Variants in TNXB observed in about 807,000 individuals in gnomAD.
TNXB encodes the protein tenascin-X.
TNXB carries 183 observed loss-of-function variants against 340.5 expected under a neutral mutation model. The ratio of observed to expected loss-of-function variants is 0.54; its 90% CI spans 0.48 to 0.61. TNXB has a LOEUF of 0.61. Ranked by LOEUF, TNXB falls within the 20% of genes least tolerant of loss-of-function variation. The probability of loss-of-function intolerance (pLI) is 0.00; values close to 1 mark genes in which losing one functional copy is unlikely to be tolerated. For synonymous variants in TNXB, 2,121 were observed against 2,314.5 expected, an observed-to-expected ratio of 0.92 and a Z score of 2.40; for missense variants, 4,613 against 5,446.4, an observed-to-expected ratio of 0.85 and a Z score of 4.82.
intron 13 of TNXB, among the ~76,000 whole-genome samples, chr6:32,071,768 T>C (rs1778787191): frequency 6.6e-6 from 1 of 152,130 alleles, no homozygotes; most frequent in Non-Finnish European, 1.5e-5. Context: ...GTCTTTTTAG[T>C]AGAGACAGGG....
At chr6:32,091,260 G>A (rs369228899) in intron 4 of TNXB, among the ~76,000 whole-genome samples, 114 of 150,656 alleles carry the variant, frequency 7.6e-4, no homozygotes, top group Middle Eastern at 3.7e-3. Flanking sequence ...ACAGGCATGC[G>A]CCACCATGTC....
At chr6:32,078,898 G>A in intron 11 of TNXB, 135 bp downstream of exon 11, 3 of 954,568 alleles carry the variant, frequency 3.1e-6, no homozygotes, top group Non-Finnish European at 4.5e-6. Context: ...CCAGTCCCCA[G>A]TGACATGCTC....
Position 32,070,259 on chromosome 6 carries a change from C to G in TNXB, c.5146G>C (p.Val1716Leu), listed in dbSNP as rs771184296. 9 of 1,612,672 alleles carry G rather than the reference C, an allele frequency of 5.6e-6. No individual in the cohort carries two copies. Among genetic ancestry groups the G allele is most frequent in the Non-Finnish European group, 7.6e-6 (9 of 1,179,502 alleles). ...CGCTCATGGCCCTCCACGGGCACCACCTGGGGCCCGTCTTTGTCCTTGAAC... is the reference window on the plus strand; with the variant it reads ...CGCTCATGGCCCTCCACGGGCACCAGCTGGGGCCCGTCTTTGTCCTTGAAC... ...VQFKDKDGPQ[V>L]VPVEGHERSV... The change falls in exon 14 of 44, where the codon GTG becomes CTG. Residue 1716 changes from valine to leucine, a missense_variant. Transcript: ENST00000644971. The surrounding 1 kb of genome is among the most constrained non-coding windows in gnomAD (Gnocchi z 6.0).
rs747801447 is a variant in TNXB, at chr6:32,049,506, A to C, written c.9521T>G (p.Val3174Gly). 1 of 1,612,500 alleles carries C rather than the reference A, an allele frequency of 6.2e-7. No individual in the cohort carries two copies. Among genetic ancestry groups the C allele is most frequent in the Non-Finnish European group, 8.5e-7 (1 of 1,179,834 alleles). Residue 3174 changes from valine (V) to glycine (G), a missense_variant, in exon 28 of 44, where the codon GTG (valine) becomes GGG (glycine). Around this residue, in one of 7 missense-constraint regions of TNXB, gnomAD observed 4,327 missense variants for 4,859.4 expected, o/e 0.89. Transcript: ENST00000644971. The surrounding 1 kb of genome is among the most constrained non-coding windows in gnomAD (Gnocchi z 4.5). ...CAGCGAGTCAGGGGAGGATCCTGTC[A>C]CTGTCAACTCCCCCAGGAGCGGCTC... ...PEEPLLGELT[V>G]TGSSPDSLSL...
rs746485634 is a variant in TNXB, at chr6:32,096,897, C to G, written c.956G>C (p.Gly319Ala). Residue 319 changes from glycine (G) to alanine (A), a missense_variant, in exon 3 of 44, where the codon GGA becomes GCA. Physicochemically the swap from Gly to Ala is moderately conservative, Grantham distance 60. Transcript: ENST00000644971. ...RSCPRGCSQR[G>A]RCKDGRCVCD... The stretch of plus-strand genomic sequence containing the variant: ...CACGCAGCGCCCGTCCTTGCAGCGT[C>G]CCCGCTGGCTGCAGCCCCGAGGGCA... The G allele has an allele frequency of 1.2e-6, 2 of 1,609,714 alleles. No individual in the cohort carries two copies. The highest frequency in any genetic ancestry group is 1.7e-6 in the Non-Finnish European group (2 of 1,178,256).
chr6:32,101,167 A>G (rs1780702673), intron 1 of TNXB, among the ~76,000 whole-genome samples: 1 of 152,078 alleles, frequency 6.6e-6, no homozygotes, highest in African/African-American at 2.4e-5. Flanking sequence ...AAAGACAAAC[A>G]GGTACTCCAG....
chr6:32,105,026 C>G (rs1054027478), intron 1 of TNXB, among the ~76,000 whole-genome samples: 1 of 152,112 alleles, frequency 6.6e-6, no homozygotes, highest in South Asian at 2.1e-4. Context: ...TCAGTGTCTC[C>G]CTTCCAAATT....
intron 1 of TNXB, among the ~76,000 whole-genome samples, chr6:32,099,235 CTT>C (rs11344952): frequency 0.43 from 60,495 of 141,312 alleles, 13,177 homozygotes; most frequent in South Asian, 0.63. Flanking sequence ...CTCTCTCTCA[CTT>C]TTTTTTTTTT....
chr6:32,058,019 G>T lies in TNXB; in HGVS notation c.7825+39C>A. ...ATGGTAGAGAAGGGCACATTTTCTAGGGCTGTCTTCCAACCCTGCCCCACC... is the reference window on the plus strand; with the variant it reads ...ATGGTAGAGAAGGGCACATTTTCTATGGCTGTCTTCCAACCCTGCCCCACC... On this transcript the variant is annotated intron_variant, in intron 22 of 43. Coordinates refer to ENST00000644971, the MANE Select transcript of TNXB (RefSeq NM_001365276.2). The surrounding 1 kb of genome is among the most constrained non-coding windows in gnomAD (Gnocchi z 5.1). The T allele has an allele frequency of 6.4e-7, 1 of 1,564,236 alleles. No individual in the cohort carries two copies.
chr6:32,053,575 C>T lies in TNXB; in HGVS notation c.8604G>A (p.Glu2868=), dbSNP rs754454654. 3 of 1,613,682 alleles carry T rather than the reference C, an allele frequency of 1.9e-6. No individual in the cohort carries two copies. The highest frequency in any genetic ancestry group is 2.2e-5 in the South Asian group (2 of 91,086). The part of the protein sequence containing the change: ...DSLSLSWMVP[E]GQFDHFLVQY... ...GGACCAGGAAGTGGTCAAACTGGCC[C>T]TCGGGGACCATCCAGGACAGGCTGA... The change falls in exon 25 of 44, where the codon GAG becomes GAA. Residue 2868 remains glutamate, a synonymous_variant. Transcript: ENST00000644971.
chr6:32,093,375 C>T (rs769874469), intron 4 of TNXB: 1 of 701,970 alleles, frequency 1.4e-6, no homozygotes, highest in South Asian at 1.5e-5. Context: ...TTCAAGCTAT[C>T]TTGGTTGCGC....
chr6:32,069,405 G>T lies in TNXB; in HGVS notation c.5587+148C>A. The T allele has an allele frequency of 2.0e-6, 2 of 1,014,732 alleles. No individual in the cohort carries two copies. The highest frequency in any genetic ancestry group is 2.8e-6 in the Non-Finnish European group (2 of 721,588). 62.9% of individuals were successfully genotyped at this position (1,014,732 alleles called of 1,614,324 possible). On this transcript the variant is annotated intron_variant, in intron 15 of 43. Coordinates refer to ENST00000644971, the MANE Select transcript of TNXB (RefSeq NM_001365276.2). This position sits in a 1 kb window ranked among gnomAD's most constrained non-coding sequence, Gnocchi z 6.2. ...ACAGTGGTTGCTGGAGGCTGGGACT[G>T]GGGCAACTGACTCTAAAGGGGCACA...
Position 32,087,928 on chromosome 6 carries a change from C to T in TNXB, c.2779+857G>A, listed in dbSNP as rs1213173079. 1.7e-5 allele frequency: 1 copy of T among 60,028 alleles called. No individual in the cohort carries two copies. The highest frequency in any genetic ancestry group is 2.7e-4 in the South Asian group (1 of 3,684). 3.7% of individuals were successfully genotyped at this position (60,028 alleles called of 1,614,324 possible). On this transcript the variant is annotated intron_variant, in intron 6 of 43. Coordinates refer to ENST00000644971, the MANE Select transcript of TNXB (RefSeq NM_001365276.2). This position sits in a 1 kb window ranked among gnomAD's most constrained non-coding sequence, Gnocchi z 9.0. ...TGGGGGCCGCGGGGCTGGGGCTGGC[C>T]GGGGCCGGGACTTGGGGGGCGGGGC...
chr6:32,083,735 C>T lies in TNXB; in HGVS notation c.3445+678G>A, dbSNP rs1040949139. ...AGTACAGTGGCACAATCATGGCTCT[C>T]TGCAGCCTCGGTCTCCTGGGCTCAA... On this transcript the variant is annotated intron_variant, in intron 8 of 43. Transcript: ENST00000644971. This position sits in a 1 kb window ranked among gnomAD's most constrained non-coding sequence, Gnocchi z 4.6. Among the ~76,000 whole-genome samples, 1 of 152,138 alleles carries T rather than the reference C, an allele frequency of 6.6e-6. No individual in the cohort carries two copies. Among genetic ancestry groups the T allele is most frequent in the African/African-American group, 2.4e-5 (1 of 41,420 alleles).
intron 1 of TNXB, among the ~76,000 whole-genome samples, chr6:32,103,641 C>A (rs573683460): frequency 6.6e-6 from 1 of 151,880 alleles, no homozygotes; most frequent in Non-Finnish European, 1.5e-5. Context: ...CCAATGACTT[C>A]GGTGCCACAA....
In TNXB at chr6:32,061,200, A is replaced by G. The variant is rs914968342; in HGVS notation, c.7492+197T>C. 2.0e-5 allele frequency among the ~76,000 whole-genome samples: 3 copies of G among 151,890 alleles called. No individual in the cohort carries two copies. The highest frequency in any genetic ancestry group is 7.3e-5 in the African/African-American group (3 of 41,134). On this transcript the variant is annotated intron_variant, in intron 21 of 43. Transcript: ENST00000644971. The surrounding 1 kb of genome is among the most constrained non-coding windows in gnomAD (Gnocchi z 4.4). ...ACATATTTCACTCTTGGAGGTTATC[A>G]GTGGTTGACCATTAGAGGGAGGCCA...
chr6:32,058,036 T>A lies in TNXB; in HGVS notation c.7825+22A>T. ...ATTTTCTAGGGCTGTCTTCCAACCC[T>A]GCCCCACCCACACTCACTCACCTGT... On this transcript the variant is annotated intron_variant, in intron 22 of 43. Coordinates refer to ENST00000644971, the MANE Select transcript of TNXB (RefSeq NM_001365276.2). This position sits in a 1 kb window ranked among gnomAD's most constrained non-coding sequence, Gnocchi z 5.1. 2.5e-6 allele frequency: 4 copies of A among 1,583,598 alleles called. No individual in the cohort carries two copies. Among genetic ancestry groups the A allele is most frequent in the Non-Finnish European group, 3.4e-6 (4 of 1,163,904 alleles).
Position 32,096,554 on chromosome 6 carries a change from G to T in TNXB, c.1299C>A (p.Arg433=). 6.5e-7 allele frequency: 1 copy of T among 1,549,590 alleles called. No individual in the cohort carries two copies. Among genetic ancestry groups the T allele is most frequent in the Non-Finnish European group, 8.7e-7 (1 of 1,155,968 alleles). The part of the protein sequence containing the change: ...PGYTGTDCGS[R]ACPRDCRGRG... Reference sequence around the variant, plus strand: ...GACCTCTACAGTCGCGTGGGCAGGCGCGCGAGCCGCAATCGGTTCCAGTGT... The same window carrying T: ...GACCTCTACAGTCGCGTGGGCAGGCTCGCGAGCCGCAATCGGTTCCAGTGT... The change falls in exon 3 of 44, where the codon CGC becomes CGA. Residue 433 remains arginine, a synonymous_variant. Coordinates refer to ENST00000644971, the MANE Select transcript of TNXB (RefSeq NM_001365276.2).
Position 32,079,289 on chromosome 6 carries a change from C to A in TNXB, c.4119G>T (p.Pro1373=), listed in dbSNP as rs369139181. The part of the protein sequence containing the change: ...GTEAPESPEE[P]LLGELTVTGS... Reference sequence around the variant, plus strand: ...CTGTCACTGTCAGCTCCCCCAGGAGCGGCTCCTCGGGGGACTCCGGGGCCT... The same window carrying A: ...CTGTCACTGTCAGCTCCCCCAGGAGAGGCTCCTCGGGGGACTCCGGGGCCT... The change falls in exon 11 of 44, where the codon CCG becomes CCT. Residue 1373 remains proline, a synonymous_variant. Coordinates refer to ENST00000644971, the MANE Select transcript of TNXB (RefSeq NM_001365276.2). The surrounding 1 kb of genome is among the most constrained non-coding windows in gnomAD (Gnocchi z 7.1). 1.2e-6 allele frequency: 2 copies of A among 1,613,068 alleles called. No individual in the cohort carries two copies. Among genetic ancestry groups the A allele is most frequent in the South Asian group, 1.1e-5 (1 of 91,090 alleles).
Sources: gnomAD v4.1 joint callset for allele counts (sites outside exome capture counted in the v4.1 genomes callset) on GRCh38, gnomAD v4.1.1 for gene constraint, gnomAD v4.1.1 regional missense constraint, Gnocchi (gnomAD v3.1) non-coding constraint, MANE v1.5 for transcripts, NCBI Gene and HGNC (gene_info 2026-07-23, HGNC 2026-07-21) for gene names.